RCAN2: variants seen among roughly 807,000 people sequenced by gnomAD.
The protein encoded by RCAN2 is regulator of calcineurin 2, also known as calcipressin-2.
RCAN2 carries 9 observed loss-of-function variants against 23.6 expected under a neutral mutation model. The observed-to-expected ratio is 0.38, with a 90% confidence interval of 0.23 to 0.67. The LOEUF (loss-of-function observed/expected upper bound fraction) is 0.67, where lower values mean the gene tolerates loss of function less well. Ranked by LOEUF, RCAN2 falls within the 30% of genes least tolerant of loss-of-function variation. RCAN2 has a pLI of 0.51. For synonymous variants in RCAN2, 109 were observed against 115.7 expected (o/e 0.94, Z 0.37); for missense variants, 273 against 302.3 (o/e 0.90, Z 0.72).
At chr6:46,377,936 TGTTGTAG>T (rs1765522407) in intron 2 of RCAN2, among the ~76,000 whole-genome samples, 2 of 152,192 alleles carry the variant, frequency 1.3e-5, no homozygotes, top group Middle Eastern at 3.2e-3. Context: ...CTAATAAACT[TGTTGTAG>T]GATCTTGTAG....
At chr6:46,314,190 C>T (rs1763351607) in intron 2 of RCAN2, among the ~76,000 whole-genome samples, 1 of 151,668 alleles carries the variant, frequency 6.6e-6, no homozygotes, top group Non-Finnish European at 1.5e-5. Flanking sequence ...GGCAAAGTCC[C>T]ATCTCTACTA....
chr6:46,434,251 T>C (rs1272310077), intron 2 of RCAN2, among the ~76,000 whole-genome samples: 1 of 152,150 alleles, frequency 6.6e-6, no homozygotes, highest in Non-Finnish European at 1.5e-5. Context: ...CAATGGTAAC[T>C]CCACAAACAA....
At chr6:46,363,902 T>C (rs990081451) in intron 2 of RCAN2, among the ~76,000 whole-genome samples, 2 of 152,164 alleles carry the variant, frequency 1.3e-5, no homozygotes, top group African/African-American at 2.4e-5. Flanking sequence ...AGCATACATA[T>C]ATATAAGCCA....
intron 2 of RCAN2, among the ~76,000 whole-genome samples, chr6:46,306,490 A>G (rs1237983524): frequency 6.6e-6 from 1 of 152,186 alleles, no homozygotes; most frequent in Non-Finnish European, 1.5e-5. Flanking sequence ...ATATAAGGCA[A>G]CTTAGAATGG....
At chr6:46,434,361 T>C (rs927026940) in intron 2 of RCAN2, among the ~76,000 whole-genome samples, 2 of 152,124 alleles carry the variant, frequency 1.3e-5, no homozygotes, top group African/African-American at 4.8e-5. Flanking sequence ...GAGGTGTCTG[T>C]GAAGCAAACT....
At chr6:46,451,846 C>A (rs1267829154) in intron 2 of RCAN2, among the ~76,000 whole-genome samples, 1 of 152,132 alleles carries the variant, frequency 6.6e-6, no homozygotes, top group Non-Finnish European at 1.5e-5. Flanking sequence ...TCACCACATG[C>A]CCATTCTAGT....
chr6:46,333,133 T>A (rs1022623068), intron 2 of RCAN2, among the ~76,000 whole-genome samples: 2 of 152,246 alleles, frequency 1.3e-5, no homozygotes, highest in African/African-American at 4.8e-5. Context: ...GTTCATGTCC[T>A]GTGCCCACTT....
At chr6:46,388,270 A>T (rs1765825839) in intron 2 of RCAN2, among the ~76,000 whole-genome samples, 1 of 151,608 alleles carries the variant, frequency 6.6e-6, no homozygotes, top group Non-Finnish European at 1.5e-5. Context: ...AATAATAATA[A>T]TAAAATAAAT....
At chr6:46,349,369 A>C (rs1764579649) in intron 2 of RCAN2, among the ~76,000 whole-genome samples, 1 of 152,158 alleles carries the variant, frequency 6.6e-6, no homozygotes, top group Non-Finnish European at 1.5e-5. Context: ...GAACACATGG[A>C]CACAGAGAGG....
chr6:46,445,848 G>C (rs1333090788), intron 2 of RCAN2, among the ~76,000 whole-genome samples: 1 of 144,428 alleles, frequency 6.9e-6, no homozygotes, highest in Non-Finnish European at 1.5e-5. Context: ...GACAGAGACA[G>C]GTTATTTGAA....
rs75001778 is a variant in RCAN2, at chr6:46,411,250, G to A, written c.225+45502C>T. On this transcript the variant is annotated intron_variant, in intron 2 of 4. Transcript: ENST00000371374. Reference sequence around the variant, plus strand: ...ATGAACCCTGAAGACATTATGCTAAGTGAAATAAGTCAAACACAATGAGGC... The same window carrying A: ...ATGAACCCTGAAGACATTATGCTAAATGAAATAAGTCAAACACAATGAGGC... Among the ~76,000 whole-genome samples, 324 of 152,338 alleles carry A rather than the reference G, an allele frequency of 2.1e-3. 1 individual carries two copies. Among genetic ancestry groups the A allele is most frequent in the Admixed American group, 3.5e-3 (54 of 15,304 alleles).
At chr6:46,461,679 G>A (rs1425241982) in intron 1 of RCAN2, among the ~76,000 whole-genome samples, 3 of 151,622 alleles carry the variant, frequency 2.0e-5, no homozygotes, top group South Asian at 2.1e-4. Context: ...TCCGCCTCCC[G>A]GGTTCAAGAG....
At chr6:46,430,146 A>G (rs1759472747) in intron 2 of RCAN2, among the ~76,000 whole-genome samples, 1 of 152,224 alleles carries the variant, frequency 6.6e-6, no homozygotes, top group Non-Finnish European at 1.5e-5. Flanking sequence ...TGCATTGAAG[A>G]ACAGCAAGAG....
At chr6:46,228,015 C>T (rs1332685881) in intron 4 of RCAN2, among the ~76,000 whole-genome samples, 2 of 152,164 alleles carry the variant, frequency 1.3e-5, no homozygotes, top group South Asian at 2.1e-4. Context: ...TTTGTTTCTG[C>T]CTTCATTTCC....
intron 2 of RCAN2, among the ~76,000 whole-genome samples, chr6:46,287,631 A>G (rs1299117621): frequency 6.6e-6 from 1 of 152,240 alleles, no homozygotes; most frequent in Admixed American, 6.5e-5. Flanking sequence ...AACTTTTCAC[A>G]GAAGTAGAAT....
chr6:46,258,049 G>A (rs924381939), intron 2 of RCAN2, among the ~76,000 whole-genome samples: 2 of 152,188 alleles, frequency 1.3e-5, no homozygotes, highest in African/African-American at 2.4e-5. Flanking sequence ...TCACAATTAT[G>A]ATCCCTTTGG....
At chr6:46,229,238 A>G (rs915180058) in intron 4 of RCAN2, among the ~76,000 whole-genome samples, 1 of 152,054 alleles carries the variant, frequency 6.6e-6, no homozygotes, top group Non-Finnish European at 1.5e-5. Context: ...GAATCTGACA[A>G]TTATGTTTCT....
chr6:46,452,159 G>A (rs947774222), intron 2 of RCAN2, among the ~76,000 whole-genome samples: 1 of 152,146 alleles, frequency 6.6e-6, no homozygotes, highest in Non-Finnish European at 1.5e-5. Flanking sequence ...TCAGGAGGCA[G>A]TAGTGCATAA....
At chr6:46,366,467 G>C (rs1321059991) in intron 2 of RCAN2, among the ~76,000 whole-genome samples, 3 of 152,022 alleles carry the variant, frequency 2.0e-5, no homozygotes, top group Non-Finnish European at 4.4e-5. Context: ...CAGTGACAAG[G>C]ATTCTCTCCT....
Sources: gnomAD v4.1 joint callset for allele counts (sites outside exome capture counted in the v4.1 genomes callset) on GRCh38, gnomAD v4.1.1 for gene constraint, MANE v1.5 for transcripts, NCBI Gene and HGNC (gene_info 2026-07-23, HGNC 2026-07-21) for gene names.